Variants in ACACA observed in about 807,000 individuals in gnomAD.
ACACA encodes the protein acetyl-CoA carboxylase 1.
In ACACA, 103 loss-of-function variants were observed where a neutral mutation model predicts 296.1. That is an observed-to-expected ratio of 0.35 (90% CI 0.30 to 0.41). The LOEUF is 0.41. Among genes scored for constraint, ACACA ranks in the 10% least tolerant of loss-of-function variants. The pLI, the probability that ACACA is intolerant of heterozygous loss-of-function variation, is 1.00. For missense variants in ACACA, 1,554 were observed against 2,989.7 expected (o/e 0.52, Z 11.20); for synonymous variants, 953 against 1,038.6 (o/e 0.92, Z 1.58).
At chr17:37,198,165 T>G (rs1055187915) in intron 35 of ACACA, among the ~76,000 whole-genome samples, 2 of 151,714 alleles carry the variant, frequency 1.3e-5, no homozygotes, top group African/African-American at 2.4e-5. Flanking sequence ...TAAGAAAGGG[T>G]TTTTTTATGT....
chr17:37,377,848 G>A, intron 1 of ACACA: 6 of 1,571,960 alleles, frequency 3.8e-6, no homozygotes, highest in Non-Finnish European at 5.2e-6. Context: ...ACCTTCCCCG[G>A]TTCCCCTCCT....
At position 37,087,400 on chromosome 17, in the gene ACACA, G is replaced by A; in HGVS notation, c.7068C>T (p.Ile2356=). 6.2e-7 allele frequency: 1 copy of A among 1,614,104 alleles called. No individual in the cohort carries two copies. The highest frequency in any genetic ancestry group is 8.5e-7 in the Non-Finnish European group (1 of 1,179,988). Residue 2356 remains isoleucine, a synonymous_variant, in exon 56 of 56, where the codon ATC becomes ATT. Transcript: ENST00000616317. ...QANPEVAMDS[I]IHMTQHISPT... ...GTGATATGTGCTGCGTCATATGGAT[G>A]ATGGAATCCATGGCAACCTCTGGAT...
intron 11 of ACACA, among the ~76,000 whole-genome samples, chr17:37,260,928 C>T (rs541540726): frequency 6.6e-6 from 1 of 152,174 alleles, no homozygotes; most frequent in East Asian, 1.9e-4. Flanking sequence ...GCAGTTTAAC[C>T]TGTATCCTAA....
chr17:37,325,062 A>G (rs991637238), intron 3 of ACACA, among the ~76,000 whole-genome samples: 1 of 150,876 alleles, frequency 6.6e-6, no homozygotes, highest in Non-Finnish European at 1.5e-5. Flanking sequence ...TTAGCCGGGC[A>G]TGGTGGCGCG....
intron 37 of ACACA, among the ~76,000 whole-genome samples, chr17:37,191,631 A>G (rs1479929026): frequency 1.3e-5 from 2 of 152,210 alleles, no homozygotes; most frequent in African/African-American, 4.8e-5. Flanking sequence ...ATGGGATATA[A>G]TAATAATGAA....
chr17:37,161,861 T>C lies in ACACA; in HGVS notation c.5269A>G (p.Ser1757Gly). The part of the protein sequence containing the change: ...GIPRIYVSAN[S>G]GARIGLAEEI... ...TCTGCCAGTCCGATTCTTGCTCCACTGTTGGCTGATACATAGATGCGTGGA... is the reference window on the plus strand; with the variant it reads ...TCTGCCAGTCCGATTCTTGCTCCACCGTTGGCTGATACATAGATGCGTGGA... Residue 1757 changes from serine to glycine, a missense_variant, in exon 42 of 56, where the codon AGT (serine) becomes GGT (glycine). Around this residue, in one of 16 missense-constraint regions of ACACA, gnomAD observed 553 missense variants for 1,043.6 expected, o/e 0.53. Transcript: ENST00000616317. 1 of 1,614,186 alleles carries C rather than the reference T, an allele frequency of 6.2e-7. No homozygotes were observed. Among genetic ancestry groups the C allele is most frequent in the Non-Finnish European group, 8.5e-7 (1 of 1,180,016 alleles).
rs11299899 is a variant in ACACA, at chr17:37,228,206, C to CTT, written c.3247-1756_3247-1755dup. 4.3e-3 allele frequency among the ~76,000 whole-genome samples: 460 copies of CTT among 105,912 alleles called. 3 individuals are homozygous for CTT. The highest frequency in any genetic ancestry group is 5.7e-3 in the Non-Finnish European group (316 of 55,088). 69.5% of individuals were successfully genotyped at this position (105,912 alleles called of 152,430 possible). A position where few individuals can be genotyped will look rare whatever the true frequency, so the allele number is the denominator to read the frequency against. The stretch of plus-strand genomic sequence containing the variant: ...TTATGCTGGGAAGGTTTCTCAAACC[C>CTT]TTTTTTTTTTTTTTTTTTTTTTTTG... On this transcript the variant is annotated intron_variant, in intron 25 of 55. Coordinates refer to ENST00000616317, the MANE Select transcript of ACACA (RefSeq NM_198834.3).
rs1397804370 is a variant in ACACA, at chr17:37,263,900, T to A, written c.1120-6A>T. On this transcript the variant is annotated splice_polypyrimidine_tract_variant and splice_region_variant and intron_variant, in intron 10 of 55. Transcript: ENST00000616317. ...CCAGGAACTTCAGCTTGAACCTGTA[T>A]TAGAAAAGGGGGAAAAAAAAAACCA... is the stretch of plus-strand genomic sequence containing the variant. 1 of 1,611,882 alleles carries A rather than the reference T, an allele frequency of 6.2e-7. No individual in the cohort carries two copies. The highest frequency in any genetic ancestry group is 8.5e-7 in the Non-Finnish European group (1 of 1,178,698).
chr17:37,186,725 G>A (rs886843623), intron 39 of ACACA, among the ~76,000 whole-genome samples: 16 of 152,012 alleles, frequency 1.1e-4, no homozygotes, highest in East Asian at 1.9e-4. Context: ...GGTAAAAAGC[G>A]TTTTCCTTCA....
At chr17:37,206,943 T>C in intron 31 of ACACA, 64 bp from the exon 32 acceptor site, 3 of 1,341,566 alleles carry the variant, frequency 2.2e-6, no homozygotes, top group Non-Finnish European at 3.2e-6. Flanking sequence ...ACACTGCCAT[T>C]GGCAGCTGAG....
chr17:37,130,300 G>A, intron 45 of ACACA, 82 bp from the exon 46 acceptor site: 1 of 1,541,310 alleles, frequency 6.5e-7, no homozygotes, highest in East Asian at 2.2e-5. Context: ...ACTAAAATGG[G>A]TTCTTTTCTC....
At position 37,390,140 on chromosome 17, in the gene ACACA, GTATATATATATATA is replaced by G. The variant is rs1243535532; in HGVS notation, c.38+16108_38+16121del. Among the ~76,000 whole-genome samples, 79 of 34,630 alleles carry G rather than the reference GTATATATATATATA, an allele frequency of 2.3e-3. 4 individuals carry two copies. The highest frequency in any genetic ancestry group is 0.031 in the Middle Eastern group (1 of 32). The allele number at this position is 34,630 out of a possible 152,430, so 22.7% of individuals were successfully genotyped here. ...GACACTGTCTCTATTAAAAAAAAAA[GTATATATATATATA>G]TATATATATATATATATATATACAC... is the stretch of plus-strand genomic sequence containing the variant. On this transcript the variant is annotated intron_variant, in intron 1 of 55. Coordinates refer to ENST00000616317, the MANE Select transcript of ACACA (RefSeq NM_198834.3).
rs528763878 is a variant in ACACA, at chr17:37,155,832, A to G, written c.5350-52T>C. 46 of 1,190,792 alleles carry G rather than the reference A, an allele frequency of 3.9e-5. 1 individual carries two copies. In the South Asian group the frequency reaches 5.1e-4, roughly 13 times the overall value. The allele number at this position is 1,190,792 out of a possible 1,614,324, so 73.8% of individuals were successfully genotyped here. A position where few individuals can be genotyped will look rare whatever the true frequency, so the allele number is the denominator to read the frequency against. On this transcript the variant is annotated intron_variant, in intron 42 of 55. Transcript: ENST00000616317. Reference sequence around the variant, plus strand: ...CATTATTTGCCATTGTCATATAATCAGAAGATACAGCAAAGCATACATAAT... The same window carrying G: ...CATTATTTGCCATTGTCATATAATCGGAAGATACAGCAAAGCATACATAAT...
At chr17:37,379,617 C>A (rs924443535) in intron 1 of ACACA, among the ~76,000 whole-genome samples, 2 of 151,960 alleles carry the variant, frequency 1.3e-5, no homozygotes, top group African/African-American at 4.8e-5. Flanking sequence ...GGGCAAAGGA[C>A]ATGAACAGAC....
intron 1 of ACACA, among the ~76,000 whole-genome samples, chr17:37,354,942 A>C (rs574225795): frequency 6.6e-6 from 1 of 152,096 alleles, no homozygotes; most frequent in South Asian, 2.1e-4. Context: ...AAAAATAATA[A>C]ATCAAAAACA....
chr17:37,261,343 A>G (rs1375899293), intron 11 of ACACA, among the ~76,000 whole-genome samples: 1 of 152,260 alleles, frequency 6.6e-6, no homozygotes, highest in African/African-American at 2.4e-5. Context: ...AAGCCAGTAA[A>G]TAATAGAAGA....
At chr17:37,095,904 T>C (rs1377761377) in intron 54 of ACACA, among the ~76,000 whole-genome samples, 3 of 152,200 alleles carry the variant, frequency 2.0e-5, no homozygotes, top group Non-Finnish European at 4.4e-5. Context: ...TAGGTCATCC[T>C]GGCTTGAGAC....
At chr17:37,335,004 T>C (rs573920975) in intron 2 of ACACA, among the ~76,000 whole-genome samples, 2 of 152,188 alleles carry the variant, frequency 1.3e-5, no homozygotes, top group South Asian at 4.2e-4. Flanking sequence ...ACTTCACTCA[T>C]ACCAGTATGT....
At chr17:37,102,608 T>A (rs1273936519) in intron 52 of ACACA, among the ~76,000 whole-genome samples, 3 of 152,184 alleles carry the variant, frequency 2.0e-5, no homozygotes, top group African/African-American at 2.4e-5. Flanking sequence ...CAAGCAGATA[T>A]CCTGCAGTGG....
Sources: gnomAD v4.1 joint callset for allele counts (sites outside exome capture counted in the v4.1 genomes callset) on GRCh38, gnomAD v4.1.1 for gene constraint, gnomAD v4.1.1 regional missense constraint, MANE v1.5 for transcripts, NCBI Gene and HGNC (gene_info 2026-07-23, HGNC 2026-07-21) for gene names.